Variants in EXOC6B observed in about 807,000 individuals in gnomAD.
EXOC6B encodes the protein SEC15 homolog B.
Under a neutral mutation model 113.5 loss-of-function variants are expected in EXOC6B, and 54 were observed. That is an observed-to-expected ratio of 0.48 (90% CI 0.38 to 0.60). The LOEUF (loss-of-function observed/expected upper bound fraction) is 0.60, where lower values mean the gene tolerates loss of function less well. Among genes scored for constraint, EXOC6B ranks in the 20% least tolerant of loss-of-function variants. The probability of loss-of-function intolerance (pLI) is 0.00; values close to 1 mark genes in which losing one functional copy is unlikely to be tolerated. For missense variants in EXOC6B, 797 were observed against 977.5 expected (o/e 0.82, Z 2.46); for synonymous variants, 357 against 339.0 (o/e 1.05, Z -0.58).
intron 13 of EXOC6B, 37 bp from the exon 14 acceptor site, chr2:72,496,596 T>C (rs1349959853): frequency 4.5e-6 from 6 of 1,330,550 alleles, no homozygotes; most frequent in African/African-American, 2.9e-5. Context: ...AAGGGAAGGA[T>C]AGACAAAGTG....
chr2:72,397,660 T>TAAAA lies in EXOC6B; in HGVS notation c.1981-17791_1981-17790insTTTT, dbSNP rs146573352. On this transcript the variant is annotated intron_variant, in intron 18 of 21. Transcript: ENST00000272427. ...TAAAATAAAATAAAATAAAATAAAATTATATATATATACACTCATATATTC... is the reference window on the plus strand; with the variant it reads ...TAAAATAAAATAAAATAAAATAAAATAAAATATATATATATACACTCATATATTC... Among the ~76,000 whole-genome samples, 797 of 139,860 alleles carry TAAAA rather than the reference T, an allele frequency of 5.7e-3. 36 individuals are homozygous for TAAAA. The highest frequency in any genetic ancestry group is 0.022 in the African/African-American group (743 of 33,128). 91.8% of individuals were successfully genotyped at this position (139,860 alleles called of 152,430 possible).
In EXOC6B at chr2:72,559,476, A is replaced by G. The variant is rs900737148; in HGVS notation, c.892T>C (p.Cys298Arg). ...DLVDFSPVYR[C>R]LHIYSVLGAR... ...ACCAGGACAGAATATATATGTAGAC[A>G]TCGATAAACTGGAGAGAAATCCACC... The change falls in exon 8 of 22, where the codon TGT becomes CGT. Residue 298 changes from cysteine to arginine, a missense_variant. By Grantham distance (180) the Cys-to-Arg change is radical (BLOSUM62 -3). Transcript: ENST00000272427. The G allele has an allele frequency of 6.2e-7, 1 of 1,612,938 alleles. No homozygotes were observed. Among genetic ancestry groups the G allele is most frequent in the East Asian group, 2.2e-5 (1 of 44,798 alleles).
intron 1 of EXOC6B, among the ~76,000 whole-genome samples, chr2:72,800,216 T>C (rs943213918): frequency 6.6e-6 from 1 of 152,226 alleles, no homozygotes; most frequent in Non-Finnish European, 1.5e-5. Flanking sequence ...TTTTTATTGA[T>C]CACTTATTAT....
rs990632792 is a variant in EXOC6B, at chr2:72,798,018, A to G, written c.113+27780T>C. Among the ~76,000 whole-genome samples the G allele has an allele frequency of 3.8e-4, 58 of 152,270 alleles. 1 individual carries two copies. The highest frequency in any genetic ancestry group is 6.0e-4 in the Non-Finnish European group (41 of 68,022). On this transcript the variant is annotated intron_variant, in intron 1 of 21. Coordinates refer to ENST00000272427, the MANE Select transcript of EXOC6B (RefSeq NM_015189.3). ...CTGACATTCAGAAAAATTACTTAACATGATTCTTCAAGTTAAGAATTTGAG... is the reference window on the plus strand; with the variant it reads ...CTGACATTCAGAAAAATTACTTAACGTGATTCTTCAAGTTAAGAATTTGAG...
At position 72,556,981 on chromosome 2, in the gene EXOC6B, A is replaced by T. The variant is rs576754812; in HGVS notation, c.915+2472T>A. On this transcript the variant is annotated intron_variant, in intron 8 of 21. Transcript: ENST00000272427. Reference sequence around the variant, plus strand: ...AGGGAAAAAAACAAGAAACCCGATTAAAAAAAATGAACAAAGGTTAAAAAT... The same window carrying T: ...AGGGAAAAAAACAAGAAACCCGATTTAAAAAAATGAACAAAGGTTAAAAAT... Among the ~76,000 whole-genome samples, 92 of 151,776 alleles carry T rather than the reference A, an allele frequency of 6.1e-4. 1 individual carries two copies. The highest frequency in any genetic ancestry group is 2.1e-3 in the African/African-American group (87 of 41,414).
intron 18 of EXOC6B, among the ~76,000 whole-genome samples, chr2:72,425,874 T>C (rs1282087078): frequency 3.9e-5 from 6 of 152,216 alleles, no homozygotes; most frequent in Non-Finnish European, 5.9e-5. Context: ...ATAGTGTCAC[T>C]TGAAGTCAGA....
At chr2:72,434,219 T>C (rs1464314046) in intron 18 of EXOC6B, among the ~76,000 whole-genome samples, 1 of 152,202 alleles carries the variant, frequency 6.6e-6, no homozygotes, top group Non-Finnish European at 1.5e-5. Flanking sequence ...TTGATTTGCA[T>C]ATATTGAACC....
intron 18 of EXOC6B, among the ~76,000 whole-genome samples, chr2:72,395,718 C>T (rs999488203): frequency 6.6e-6 from 1 of 152,108 alleles, no homozygotes; most frequent in Non-Finnish European, 1.5e-5. Context: ...CAAATCTTCA[C>T]ACTTTTAGTT....
chr2:72,213,665 C>A (rs1680332513), intron 20 of EXOC6B, among the ~76,000 whole-genome samples: 1 of 152,088 alleles, frequency 6.6e-6, no homozygotes, highest in African/African-American at 2.4e-5. Flanking sequence ...ATGATGAAAT[C>A]CTAGCTCCAA....
intron 1 of EXOC6B, among the ~76,000 whole-genome samples, chr2:72,823,965 T>C (rs1171579018): frequency 6.6e-6 from 1 of 152,066 alleles, no homozygotes; most frequent in Non-Finnish European, 1.5e-5. Flanking sequence ...CATTGACCCT[T>C]AAGAGCTGAA....
chr2:72,441,901 A>C (rs975122417), intron 18 of EXOC6B, among the ~76,000 whole-genome samples: 3 of 152,266 alleles, frequency 2.0e-5, no homozygotes, highest in East Asian at 3.8e-4. Context: ...AATGCAATCT[A>C]TGAGGCCAGC....
chr2:72,766,223 C>T (rs1683052824), intron 1 of EXOC6B, among the ~76,000 whole-genome samples: 1 of 152,148 alleles, frequency 6.6e-6, no homozygotes, highest in Non-Finnish European at 1.5e-5. Flanking sequence ...AAAGCTGAAC[C>T]CTAGATTTAG....
intron 7 of EXOC6B, among the ~76,000 whole-genome samples, chr2:72,572,530 A>G (rs1704579616): frequency 6.6e-6 from 1 of 152,180 alleles, no homozygotes; most frequent in African/African-American, 2.4e-5. Flanking sequence ...CAATCTTTCA[A>G]AGTAATACAT....
chr2:72,758,905 T>A (rs1682595494), intron 1 of EXOC6B, among the ~76,000 whole-genome samples: 1 of 152,220 alleles, frequency 6.6e-6, no homozygotes, highest in Non-Finnish European at 1.5e-5. Context: ...TTTTTCTCCT[T>A]CTCCAGACTA....
chr2:72,375,141 T>C lies in EXOC6B; in HGVS notation c.2122+4588A>G, dbSNP rs577498073. 2.1e-4 allele frequency among the ~76,000 whole-genome samples: 32 copies of C among 152,108 alleles called. No individual in the cohort carries two copies. The South Asian group carries it at 6.2e-3, about 30-fold the overall frequency. ...AGGGACATATCAGTTCTAAGTAGTATGCACCCAATAACAGAGCTTCAAAAT... is the reference window on the plus strand; with the variant it reads ...AGGGACATATCAGTTCTAAGTAGTACGCACCCAATAACAGAGCTTCAAAAT... On this transcript the variant is annotated intron_variant, in intron 19 of 21. Transcript: ENST00000272427.
Position 72,224,780 on chromosome 2 carries a change from C to T in EXOC6B, c.2197-40593G>A, listed in dbSNP as rs1681098579. Among the ~76,000 whole-genome samples the T allele has an allele frequency of 2.7e-5, 4 of 150,776 alleles. No individual in the cohort carries two copies. In the South Asian group the frequency reaches 8.4e-4, roughly 32 times the overall value. ...AAGCAGCTGGGACTACAGATGCATG[C>T]TGCCACGTCCAGCTAATCTGTGTGT... On this transcript the variant is annotated intron_variant, in intron 20 of 21. Transcript: ENST00000272427.
chr2:72,201,379 T>C (rs1245371228), intron 20 of EXOC6B, among the ~76,000 whole-genome samples: 2 of 152,004 alleles, frequency 1.3e-5, no homozygotes, highest in Non-Finnish European at 2.9e-5. Flanking sequence ...GCCTGCTAGG[T>C]GAGTATGGTG....
At position 72,575,576 on chromosome 2, in the gene EXOC6B, A is replaced by G; in HGVS notation, c.762T>C (p.Phe254=). The G allele has an allele frequency of 6.2e-7, 1 of 1,611,786 alleles. No individual in the cohort carries two copies. The change falls in exon 7 of 22, where the codon TTT becomes TTC. Residue 254 remains phenylalanine, a synonymous_variant. Coordinates refer to ENST00000272427, the MANE Select transcript of EXOC6B (RefSeq NM_015189.3). Reference sequence around the variant, plus strand: ...GACTAGTACTTTCTATCTCTGTATCAAAGATTATATATGCATCTTTCTTAG... The same window carrying G: ...GACTAGTACTTTCTATCTCTGTATCGAAGATTATATATGCATCTTTCTTAG... ...RKSKKDAYII[F]DTEIESTSPK...
At chr2:72,506,003 T>A (rs894175587) in intron 11 of EXOC6B, among the ~76,000 whole-genome samples, 4 of 152,100 alleles carry the variant, frequency 2.6e-5, no homozygotes, top group African/African-American at 9.7e-5. Context: ...TATATTAATA[T>A]TTGTTGTAAA....
Sources: allele counts gnomAD v4.1 joint callset (sites outside exome capture counted in the v4.1 genomes callset), GRCh38; gene constraint gnomAD v4.1.1; transcripts MANE v1.5; gene names NCBI Gene and HGNC (gene_info 2026-07-23, HGNC 2026-07-21).